Variants in TSHZ3 observed in about 807,000 individuals in gnomAD.
TSHZ3 encodes the protein teashirt zinc finger homeobox 3, also known as teashirt homolog 3.
TSHZ3 carries 10 observed loss-of-function variants against 64.5 expected under a neutral mutation model. That is an observed-to-expected ratio of 0.16 (90% CI 0.10 to 0.26). The LOEUF (loss-of-function observed/expected upper bound fraction) is 0.26, where lower values mean the gene tolerates loss of function less well. Ranked by LOEUF, TSHZ3 falls within the 10% of genes least tolerant of loss-of-function variation. The pLI is 1.00. For missense variants in TSHZ3, 1,242 were observed against 1,421.7 expected, an observed-to-expected ratio of 0.87 and a Z score of 2.03; for synonymous variants, 608 against 593.1, an observed-to-expected ratio of 1.03 and a Z score of -0.36.
At chr19:31,161,726 G>A (rs1030484987) in intron 5 of TSHZ3, among the ~76,000 whole-genome samples, 3 of 152,150 alleles carry the variant, frequency 2.0e-5, no homozygotes, top group Non-Finnish European at 2.9e-5. Context: ...TTTTAGAACC[G>A]GCCTATTCTG....
At chr19:31,331,337 A>G (rs977307224) in intron 1 of TSHZ3, among the ~76,000 whole-genome samples, 1 of 152,076 alleles carries the variant, frequency 6.6e-6, no homozygotes, top group Admixed American at 6.6e-5. Flanking sequence ...TTTCTTTCAT[A>G]GCCTGGAATA....
intron 1 of TSHZ3, among the ~76,000 whole-genome samples, chr19:31,333,150 A>C (rs117976597): frequency 0.014 from 1,912 of 138,042 alleles, 19 homozygotes; most frequent in Middle Eastern, 0.018. Context: ...ATAAATAAAT[A>C]AATCCAGGGG....
At chr19:31,305,988 C>G (rs1170359357) in intron 1 of TSHZ3, among the ~76,000 whole-genome samples, 1 of 152,162 alleles carries the variant, frequency 6.6e-6, no homozygotes, top group Non-Finnish European at 1.5e-5. Flanking sequence ...TGAAAGCCAG[C>G]ATGATCACAG....
intron 1 of TSHZ3, among the ~76,000 whole-genome samples, chr19:31,330,655 C>T (rs1167379515): frequency 6.6e-6 from 1 of 151,546 alleles, no homozygotes; most frequent in Non-Finnish European, 1.5e-5. Flanking sequence ...TCCCTCTGGG[C>T]TCAAAACATC....
chr19:31,321,987 T>C (rs571104267), intron 1 of TSHZ3, among the ~76,000 whole-genome samples: 7 of 152,212 alleles, frequency 4.6e-5, no homozygotes, highest in African/African-American at 1.7e-4. Context: ...CCATTCCCCC[T>C]ACCCCCAAAA....
At chr19:31,280,680 T>A (rs774220060) in intron 1 of TSHZ3, among the ~76,000 whole-genome samples, 4 of 152,236 alleles carry the variant, frequency 2.6e-5, no homozygotes, top group Non-Finnish European at 5.9e-5. Flanking sequence ...AGTATAAGCT[T>A]CATGGGCATC....
chr19:31,226,977 CTTT>C (rs3030229), intron 4 of TSHZ3, among the ~76,000 whole-genome samples: 5 of 65,680 alleles, frequency 7.6e-5, no homozygotes, highest in South Asian at 6.3e-4. Flanking sequence ...TTCTTTCTTT[CTTT>C]TTTTTTTTTT....
chr19:31,228,524 T>TAA (rs5827760), intron 3 of TSHZ3, among the ~76,000 whole-genome samples: 3,122 of 131,062 alleles, frequency 0.024, 75 homozygotes, highest in Non-Finnish European at 0.034. Flanking sequence ...AAACCCTGTC[T>TAA]AAAAAAAAAA....
intron 5 of TSHZ3, among the ~76,000 whole-genome samples, chr19:31,200,831 G>A (rs921086560): frequency 2.6e-5 from 4 of 152,050 alleles, no homozygotes; most frequent in African/African-American, 9.7e-5. Flanking sequence ...TGTGTGGGAA[G>A]GGGGGTGCAT....
At chr19:31,315,867 TA>T (rs1165453901) in intron 1 of TSHZ3, among the ~76,000 whole-genome samples, 1 of 152,090 alleles carries the variant, frequency 6.6e-6, no homozygotes, top group African/African-American at 2.4e-5. Context: ...ATTAAGCTAA[TA>T]AAAAGTGATG....
At position 31,160,335 on chromosome 19, in the gene TSHZ3, C is replaced by T. The variant is rs572063133; in HGVS notation, n.810-3918G>A. 1.7e-4 allele frequency among the ~76,000 whole-genome samples: 26 copies of T among 152,270 alleles called. No homozygotes were observed. In the South Asian group the frequency reaches 5.4e-3, roughly 32 times the overall value. On this transcript the variant is annotated intron_variant and non_coding_transcript_variant, in intron 5 of 6. Transcript: ENST00000651361. ...GGGTGCTGTTCTTAGACACAACTGG[C>T]AAAAACAACAACGCTCTGCGGTCTA... is the stretch of plus-strand genomic sequence containing the variant.
chr19:31,226,793 C>A (rs1201199882), intron 4 of TSHZ3, among the ~76,000 whole-genome samples: 3 of 151,978 alleles, frequency 2.0e-5, no homozygotes, highest in African/African-American at 4.8e-5. Flanking sequence ...AGTCACAGCA[C>A]CCCTTTCAGA....
intron 5 of TSHZ3, among the ~76,000 whole-genome samples, chr19:31,170,935 T>C (rs1186208495): frequency 6.6e-6 from 1 of 152,224 alleles, no homozygotes; most frequent in Non-Finnish European, 1.5e-5. Flanking sequence ...AATTGGCTTA[T>C]TAAAAGAAGA....
chr19:31,335,725 C>A (rs1917223251), intron 1 of TSHZ3, among the ~76,000 whole-genome samples: 1 of 152,210 alleles, frequency 6.6e-6, no homozygotes, highest in Non-Finnish European at 1.5e-5. Flanking sequence ...ACAGGTGAGA[C>A]CTCTGTGAGG....
At chr19:31,296,019 AATG>A (rs778662428) in intron 1 of TSHZ3, among the ~76,000 whole-genome samples, 1 of 150,042 alleles carries the variant, frequency 6.7e-6, no homozygotes, top group Admixed American at 6.7e-5. Flanking sequence ...GTTTAAAAAT[AATG>A]ATAATTCTCT....
At chr19:31,173,786 G>A (rs1462386539) in intron 5 of TSHZ3, among the ~76,000 whole-genome samples, 3 of 152,332 alleles carry the variant, frequency 2.0e-5, no homozygotes, top group Admixed American at 6.5e-5. Context: ...GATGTAAACA[G>A]ATTTATTATA....
intron 5 of TSHZ3, among the ~76,000 whole-genome samples, chr19:31,198,684 AC>A (rs971329270): frequency 6.6e-6 from 1 of 152,244 alleles, no homozygotes; most frequent in Middle Eastern, 3.4e-3. Context: ...TTATATTAAT[AC>A]CCCCCAAAAT....
At chr19:31,235,055 G>A (rs990688091) in intron 3 of TSHZ3, among the ~76,000 whole-genome samples, 1 of 151,946 alleles carries the variant, frequency 6.6e-6, no homozygotes, top group African/African-American at 2.4e-5. Flanking sequence ...CTTTACTGTG[G>A]TATACGTTAC....
chr19:31,336,619 A>G (rs1221903209), intron 1 of TSHZ3, among the ~76,000 whole-genome samples: 1 of 152,184 alleles, frequency 6.6e-6, no homozygotes, highest in South Asian at 2.1e-4. Flanking sequence ...GTAGAAGGGC[A>G]TCGGATCCTG....
Sources: allele counts gnomAD v4.1 joint callset (sites outside exome capture counted in the v4.1 genomes callset), GRCh38; gene constraint gnomAD v4.1.1; transcripts MANE v1.5; gene names NCBI Gene and HGNC (gene_info 2026-07-23, HGNC 2026-07-21).